PTN: variants seen among roughly 807,000 people sequenced by gnomAD.
The protein encoded by PTN is pleiotrophin, also known as heparin affin regulatory protein.
Under a neutral mutation model 24.1 loss-of-function variants are expected in PTN, and 18 were observed. The ratio of observed to expected loss-of-function variants is 0.75; its 90% CI spans 0.52 to 1.11. The LOEUF (loss-of-function observed/expected upper bound fraction) is 1.11, where lower values mean the gene tolerates loss of function less well. PTN is among the 50% of genes least tolerant of loss of function. PTN has a pLI of 0.00. For synonymous variants in PTN, 78 were observed against 68.6 expected, an observed-to-expected ratio of 1.14 and a Z score of -0.67; for missense variants, 163 against 198.8, an observed-to-expected ratio of 0.82 and a Z score of 1.08.
intron 4 of PTN, among the ~76,000 whole-genome samples, chr7:137,236,784 T>C (rs1484144278): frequency 6.6e-6 from 1 of 152,142 alleles, no homozygotes; most frequent in Admixed American, 6.6e-5. Context: ...TATTGTAAAT[T>C]AGAAATGAAA....
chr7:137,252,760 A>C (rs759544935), intron 3 of PTN, among the ~76,000 whole-genome samples: 8 of 151,868 alleles, frequency 5.3e-5, no homozygotes, highest in Non-Finnish European at 7.3e-5. Flanking sequence ...GGATTGTGGA[A>C]GAGGTTATTT....
At chr7:137,245,304 C>T (rs969887294) in intron 4 of PTN, among the ~76,000 whole-genome samples, 7 of 152,188 alleles carry the variant, frequency 4.6e-5, no homozygotes, top group Admixed American at 1.3e-4. Context: ...AATACAGTTA[C>T]GCACCACATA....
chr7:137,273,694 G>C (rs989743745), intron 1 of PTN, among the ~76,000 whole-genome samples: 9 of 152,164 alleles, frequency 5.9e-5, no homozygotes, highest in African/African-American at 2.2e-4. Flanking sequence ...CAGTGGAAAT[G>C]AGTTAATCCT....
intron 1 of PTN, among the ~76,000 whole-genome samples, chr7:137,342,729 T>C (rs1333373333): frequency 1.3e-5 from 2 of 152,202 alleles, no homozygotes; most frequent in Non-Finnish European, 2.9e-5. Context: ...AAATATATCC[T>C]AAATTTATGT....
intron 1 of PTN, among the ~76,000 whole-genome samples, chr7:137,328,928 A>C (rs1329107399): frequency 6.6e-5 from 10 of 152,182 alleles, no homozygotes; most frequent in Admixed American, 6.5e-4. Flanking sequence ...GAAGAAAGGA[A>C]TCATGAACCA....
intron 4 of PTN, among the ~76,000 whole-genome samples, chr7:137,242,725 A>T (rs1432027870): frequency 6.6e-6 from 1 of 152,174 alleles, no homozygotes; most frequent in African/African-American, 2.4e-5. Flanking sequence ...CACAAGCCCC[A>T]GCCCCTGCTT....
intron 4 of PTN, among the ~76,000 whole-genome samples, chr7:137,244,002 C>T (rs1435099915): frequency 6.6e-6 from 1 of 152,140 alleles, no homozygotes; most frequent in African/African-American, 2.4e-5. Flanking sequence ...TTGAATAGAC[C>T]TCTTTTGCTT....
At position 137,328,062 on chromosome 7, in the gene PTN, T is replaced by C. The variant is rs149591031; in HGVS notation, c.-2+15377A>G. On this transcript the variant is annotated intron_variant, in intron 1 of 4. Coordinates refer to ENST00000348225, the MANE Select transcript of PTN (RefSeq NM_002825.7). ...TTTGGTAAGGAAATCACTAACTATA[T>C]TATAAAATAAAAATGTCTTACTTCC... Among the ~76,000 whole-genome samples the C allele has an allele frequency of 2.4e-4, 36 of 152,264 alleles. No individual in the cohort carries two copies. The East Asian group carries it at 3.5e-3, about 15-fold the overall frequency.
chr7:137,305,037 A>C (rs1466389369), intron 1 of PTN, among the ~76,000 whole-genome samples: 3 of 152,064 alleles, frequency 2.0e-5, no homozygotes. Flanking sequence ...ACCAAACCAC[A>C]ACATAAGAAA....
intron 1 of PTN, among the ~76,000 whole-genome samples, chr7:137,266,447 C>T (rs1330812839): frequency 6.6e-6 from 1 of 152,106 alleles, no homozygotes; most frequent in East Asian, 1.9e-4. Context: ...AATTATACAA[C>T]ATTTTTTGCA....
At chr7:137,243,231 G>A (rs1379240861) in intron 4 of PTN, among the ~76,000 whole-genome samples, 2 of 152,180 alleles carry the variant, frequency 1.3e-5, no homozygotes, top group African/African-American at 4.8e-5. Flanking sequence ...CACTGTGCCC[G>A]GCCTGCTCTG....
intron 1 of PTN, among the ~76,000 whole-genome samples, chr7:137,302,313 C>G (rs1176616172): frequency 1.3e-5 from 2 of 151,976 alleles, no homozygotes; most frequent in African/African-American, 4.8e-5. Flanking sequence ...ACCATGTCCT[C>G]TAAGTTCTAG....
chr7:137,292,869 T>G (rs1436981999), intron 1 of PTN, among the ~76,000 whole-genome samples: 4 of 152,076 alleles, frequency 2.6e-5, no homozygotes, highest in Non-Finnish European at 5.9e-5. Context: ...GTGGGTGAGT[T>G]TTGGCATGTT....
chr7:137,298,116 C>T (rs571775807), intron 1 of PTN, among the ~76,000 whole-genome samples: 23 of 152,064 alleles, frequency 1.5e-4, no homozygotes, highest in East Asian at 3.9e-4. Context: ...TAGATCCACA[C>T]GCAACTTTAA....
At chr7:137,288,066 A>G (rs1160134385) in intron 1 of PTN, among the ~76,000 whole-genome samples, 5 of 152,180 alleles carry the variant, frequency 3.3e-5, no homozygotes, top group Non-Finnish European at 1.5e-5. Context: ...GGATATTTCC[A>G]GGGTTTTGGG....
At chr7:137,313,274 T>G (rs558371705) in intron 1 of PTN, among the ~76,000 whole-genome samples, 1 of 152,138 alleles carries the variant, frequency 6.6e-6, no homozygotes, top group Non-Finnish European at 1.5e-5. Flanking sequence ...AAAACAAAAT[T>G]AAACAAACTT....
At chr7:137,308,114 G>A (rs912171361) in intron 1 of PTN, among the ~76,000 whole-genome samples, 18 of 152,112 alleles carry the variant, frequency 1.2e-4, no homozygotes, top group African/African-American at 3.9e-4. Flanking sequence ...ATTTTCTTAC[G>A]GCGTGAATCT....
chr7:137,299,004 G>C (rs146481582), intron 1 of PTN, among the ~76,000 whole-genome samples: 1 of 151,874 alleles, frequency 6.6e-6, no homozygotes, highest in Non-Finnish European at 1.5e-5. Context: ...ATTAAGTACC[G>C]ATAGCAAAGA....
rs1327103757 is a variant in PTN at position 137,227,936 on chromosome 7, T to A, written c.*84A>T. 6.6e-7 allele frequency: 1 copy of A among 1,521,108 alleles called. No homozygotes were observed. Among genetic ancestry groups the A allele is most frequent in the Non-Finnish European group, 8.8e-7 (1 of 1,138,770 alleles). The allele number at this position is 1,521,108 out of a possible 1,614,324, so 94.2% of individuals were successfully genotyped here. A position where few individuals can be genotyped will look rare whatever the true frequency, so the allele number is the denominator to read the frequency against. Reference sequence around the variant, plus strand: ...TACTTAGCTATAGATAATTTTTGAATACAAAGCCTACGGTACATATAAATG... The same window carrying A: ...TACTTAGCTATAGATAATTTTTGAAAACAAAGCCTACGGTACATATAAATG... On this transcript the variant is annotated 3_prime_UTR_variant, in exon 5 of 5. Transcript: ENST00000348225.
Sources: gnomAD v4.1 joint callset for allele counts (sites outside exome capture counted in the v4.1 genomes callset) on GRCh38, gnomAD v4.1.1 for gene constraint, MANE v1.5 for transcripts, NCBI Gene and HGNC (gene_info 2026-07-23, HGNC 2026-07-21) for gene names.